The following CNNM4 variants were observed in gnomAD, a reference collection of about 807,000 sequenced individuals.
CNNM4 encodes the protein metal transporter CNNM4.
Under a neutral mutation model 53.7 loss-of-function variants are expected in CNNM4, and 32 were observed. The ratio of observed to expected loss-of-function variants is 0.60; its 90% CI spans 0.45 to 0.80. The LOEUF (loss-of-function observed/expected upper bound fraction) is 0.80, where lower values mean the gene tolerates loss of function less well. Among genes scored for constraint, CNNM4 ranks in the 30% least tolerant of loss-of-function variants. The probability of loss-of-function intolerance (pLI) is 0.00; values close to 1 mark genes in which losing one functional copy is unlikely to be tolerated. For missense variants in CNNM4, 784 were observed against 1,022.0 expected, an observed-to-expected ratio of 0.77 and a Z score of 3.17; for synonymous variants, 410 against 440.0, an observed-to-expected ratio of 0.93 and a Z score of 0.85.
intron 1 of CNNM4, among the ~76,000 whole-genome samples, chr2:96,782,873 T>C (rs2078986589): frequency 6.6e-6 from 1 of 152,052 alleles, no homozygotes; most frequent in Non-Finnish European, 1.5e-5. Flanking sequence ...AGAATTTCGG[T>C]TAAGTCTTTA....
At chr2:96,772,310 A>C (rs1177771579) in intron 1 of CNNM4, among the ~76,000 whole-genome samples, 7 of 95,478 alleles carry the variant, frequency 7.3e-5, no homozygotes, top group African/African-American at 1.3e-4. Flanking sequence ...GGCAGGCTCT[A>C]CTCCCACCCG....
At chr2:96,790,130 C>T (rs1484570702) in intron 1 of CNNM4, among the ~76,000 whole-genome samples, 1 of 150,566 alleles carries the variant, frequency 6.6e-6, no homozygotes, top group Non-Finnish European at 1.5e-5. Flanking sequence ...CCTCAGCCTC[C>T]CAAGTAGCTG....
At chr2:96,786,639 C>T (rs985538059) in intron 1 of CNNM4, among the ~76,000 whole-genome samples, 1 of 151,452 alleles carries the variant, frequency 6.6e-6, no homozygotes, top group Admixed American at 6.6e-5. Context: ...ATTAGCTCAG[C>T]GTGGTGGCAG....
rs1356169364 is a variant in CNNM4 at position 96,801,852 on chromosome 2, C to A, written c.1948+2204C>A. Among the ~76,000 whole-genome samples the A allele has an allele frequency of 6.6e-6, 1 of 151,840 alleles. No homozygotes were observed. Among genetic ancestry groups the A allele is most frequent in the African/African-American group, 2.4e-5 (1 of 41,280 alleles). ...AGATACACCCATAGACACACAGATGCCACAGAGGCATACACAGAGAAACAC... is the reference window on the plus strand; with the variant it reads ...AGATACACCCATAGACACACAGATGACACAGAGGCATACACAGAGAAACAC... On this transcript the variant is annotated intron_variant, in intron 5 of 6. Coordinates refer to ENST00000377075, the MANE Select transcript of CNNM4 (RefSeq NM_020184.4). This position sits in a 1 kb window ranked among gnomAD's most constrained non-coding sequence, Gnocchi z 5.6.
chr2:96,793,591 C>CG (rs756953712), intron 1 of CNNM4, among the ~76,000 whole-genome samples: 12 of 152,162 alleles, frequency 7.9e-5, no homozygotes, highest in Non-Finnish European at 2.9e-5. Flanking sequence ...AGAGAGGAGG[C>CG]GGGGGGCGGA....
At chr2:96,802,271 T>C (rs554813894) in intron 5 of CNNM4, among the ~76,000 whole-genome samples, 1 of 152,202 alleles carries the variant, frequency 6.6e-6, no homozygotes, top group Admixed American at 6.5e-5. Context: ...ACCCAGAGGA[T>C]AGGCTGGGAG....
intron 1 of CNNM4, among the ~76,000 whole-genome samples, chr2:96,791,415 T>C (rs1039099509): frequency 6.6e-6 from 1 of 151,974 alleles, no homozygotes; most frequent in African/African-American, 2.4e-5. Flanking sequence ...GTGGATCACC[T>C]GAGGTCAGGA....
chr2:96,764,680 G>A (rs2078797155), intron 1 of CNNM4, among the ~76,000 whole-genome samples: 1 of 152,132 alleles, frequency 6.6e-6, no homozygotes, highest in Non-Finnish European at 1.5e-5. Context: ...CACACCTAGT[G>A]TACATCTGCA....
intron 1 of CNNM4, among the ~76,000 whole-genome samples, chr2:96,790,918 G>A (rs1184140615): frequency 6.6e-6 from 1 of 151,156 alleles, no homozygotes; most frequent in Non-Finnish European, 1.5e-5. Flanking sequence ...TCAGAAGTTC[G>A]AGACCAGCCT....
chr2:96,782,074 G>A (rs1019306171), intron 1 of CNNM4, among the ~76,000 whole-genome samples: 6 of 152,052 alleles, frequency 3.9e-5, no homozygotes, highest in African/African-American at 9.7e-5. Context: ...TTGTATAACC[G>A]GAGTAGAACT....
chr2:96,797,076 G>A lies in CNNM4; in HGVS notation c.1467G>A (p.Glu489=). The change falls in exon 2 of 7, where the codon GAG becomes GAA. Residue 489 remains glutamate (E), a synonymous_variant. Coordinates refer to ENST00000377075, the MANE Select transcript of CNNM4 (RefSeq NM_020184.4). This position sits in a 1 kb window ranked among gnomAD's most constrained non-coding sequence, Gnocchi z 6.0. The stretch of plus-strand genomic sequence containing the variant: ...AGGGTGAGGGTGACCCCTTCTACGA[G>A]GTCCTGGGCCTGGTCACCCTGGAGG... The part of the protein sequence containing the change: ...NNEGEGDPFY[E]VLGLVTLEDV... 1 of 1,614,114 alleles carries A rather than the reference G, an allele frequency of 6.2e-7. No individual in the cohort carries two copies.
In CNNM4 at chr2:96,808,541, A is replaced by AG; in HGVS notation, c.1949-20_1949-19insG. On this transcript the variant is annotated intron_variant, in intron 5 of 6. Transcript: ENST00000377075. The surrounding 1 kb of genome is among the most constrained non-coding windows in gnomAD (Gnocchi z 4.9). Reference sequence around the variant, plus strand: ...GCATCGGAGTGGCCTTTGGCATGACAACCTCTGCTCTCCCTGCAGACCGTT... The same window carrying AG: ...GCATCGGAGTGGCCTTTGGCATGACAGACCTCTGCTCTCCCTGCAGACCGTT... 1.2e-6 allele frequency: 2 copies of AG among 1,613,720 alleles called. No homozygotes were observed. Among genetic ancestry groups the AG allele is most frequent in the Non-Finnish European group, 1.7e-6 (2 of 1,179,888 alleles).
At chr2:96,774,511 A>G (rs1250029421) in intron 1 of CNNM4, among the ~76,000 whole-genome samples, 2 of 152,184 alleles carry the variant, frequency 1.3e-5, no homozygotes, top group African/African-American at 4.8e-5. Context: ...ATAATTATTT[A>G]ATCCTCCAAG....
At chr2:96,779,483 T>A (rs901587705) in intron 1 of CNNM4, among the ~76,000 whole-genome samples, 5 of 132,230 alleles carry the variant, frequency 3.8e-5, no homozygotes, top group Non-Finnish European at 7.7e-5. Flanking sequence ...CCCTCCAGCC[T>A]GGGTGACAGA....
At chr2:96,806,506 AACACACACACACACACAC>A (rs151020163) in intron 5 of CNNM4, among the ~76,000 whole-genome samples, 5 of 135,442 alleles carry the variant, frequency 3.7e-5, no homozygotes, top group African/African-American at 1.1e-4. Flanking sequence ...CTAGCTATCC[AACACACACACACACACAC>A]ACACACACAC....
At chr2:96,786,894 T>C (rs1479624445) in intron 1 of CNNM4, among the ~76,000 whole-genome samples, 1 of 150,510 alleles carries the variant, frequency 6.6e-6, no homozygotes, top group Non-Finnish European at 1.5e-5. Context: ...TCTCCCCCAA[T>C]ATGAAAATAG....
intron 1 of CNNM4, among the ~76,000 whole-genome samples, chr2:96,777,920 A>G (rs1270497611): frequency 6.7e-6 from 1 of 150,010 alleles, no homozygotes; most frequent in Non-Finnish European, 1.5e-5. Context: ...AGGCTGGAGC[A>G]CAGTAGTGCG....
intron 1 of CNNM4, among the ~76,000 whole-genome samples, chr2:96,776,722 C>A (rs909844930): frequency 6.6e-6 from 1 of 152,168 alleles, no homozygotes; most frequent in African/African-American, 2.4e-5. Flanking sequence ...AAGCAATTCT[C>A]CTGCCTTAGC....
chr2:96,789,933 C>T (rs1278787766), intron 1 of CNNM4, among the ~76,000 whole-genome samples: 5 of 141,912 alleles, frequency 3.5e-5, no homozygotes, highest in African/African-American at 1.3e-4. Context: ...CCTCGTGATC[C>T]ACCCACCCCC....
Sources: allele counts gnomAD v4.1 joint callset (sites outside exome capture counted in the v4.1 genomes callset), GRCh38; gene constraint gnomAD v4.1.1; non-coding constraint Gnocchi (gnomAD v3.1); transcripts MANE v1.5; gene names NCBI Gene and HGNC (gene_info 2026-07-23, HGNC 2026-07-21).